The following KCNMA1 variants were observed in gnomAD, a reference collection of about 807,000 sequenced individuals.
The protein encoded by KCNMA1 is potassium calcium-activated channel subfamily M alpha 1.
KCNMA1 carries 29 observed loss-of-function variants against 140.0 expected under a neutral mutation model. The observed-to-expected ratio is 0.21, with a 90% CI of 0.15 to 0.28. The LOEUF is 0.28. Ranked by LOEUF, KCNMA1 falls within the 10% of genes least tolerant of loss-of-function variation. The probability of loss-of-function intolerance (pLI) is 1.00; values close to 1 mark genes in which losing one functional copy is unlikely to be tolerated. For missense variants in KCNMA1, 880 were observed against 1,602.2 expected, an observed-to-expected ratio of 0.55 and a Z score of 7.70; for synonymous variants, 612 against 611.9, an observed-to-expected ratio of 1.00 and a Z score of 0.00.
At chr10:77,101,457 T>A (rs1350162970) in intron 9 of KCNMA1, among the ~76,000 whole-genome samples, 1 of 152,252 alleles carries the variant, frequency 6.6e-6, no homozygotes, top group Non-Finnish European at 1.5e-5. Context: ...CTACAGTTCT[T>A]CATATCTTTA....
intron 20 of KCNMA1, among the ~76,000 whole-genome samples, chr10:76,961,490 C>A (rs2071410447): frequency 6.6e-6 from 1 of 152,144 alleles, no homozygotes. Context: ...TAGAATAGTA[C>A]ATAAACTTAG....
At chr10:77,358,589 C>T (rs1603389830) in intron 2 of KCNMA1, among the ~76,000 whole-genome samples, 1 of 152,144 alleles carries the variant, frequency 6.6e-6, no homozygotes, top group Non-Finnish European at 1.5e-5. Context: ...CCTCTAACGC[C>T]TGTCCCAGAC....
chr10:77,069,522 G>A (rs993593961), intron 14 of KCNMA1, among the ~76,000 whole-genome samples: 1 of 151,998 alleles, frequency 6.6e-6, no homozygotes, highest in South Asian at 2.1e-4. Flanking sequence ...GTAAATTAAG[G>A]ACAAATAGCC....
chr10:77,333,140 G>A (rs2087172995), intron 2 of KCNMA1, among the ~76,000 whole-genome samples: 1 of 152,066 alleles, frequency 6.6e-6, no homozygotes, highest in African/African-American at 2.4e-5. Context: ...AAATAGCAAT[G>A]GTATAGATGG....
chr10:77,243,068 C>T (rs1018461944), intron 3 of KCNMA1, among the ~76,000 whole-genome samples: 1 of 152,088 alleles, frequency 6.6e-6, no homozygotes, highest in African/African-American at 2.4e-5. Flanking sequence ...CATCACCAAC[C>T]AGGGTCTCCC....
intron 9 of KCNMA1, among the ~76,000 whole-genome samples, chr10:77,101,932 A>G (rs1352342860): frequency 1.3e-5 from 2 of 152,210 alleles, no homozygotes; most frequent in African/African-American, 4.8e-5. Context: ...GAAAGAGTCG[A>G]GAGGGAAATG....
chr10:77,050,439 A>G (rs2095319626), intron 14 of KCNMA1, among the ~76,000 whole-genome samples: 1 of 152,212 alleles, frequency 6.6e-6, no homozygotes, highest in Non-Finnish European at 1.5e-5. Context: ...TATTTTAGAC[A>G]GTTTGGTGAG....
In KCNMA1 at chr10:77,184,852, C is replaced by T. The variant is rs779829350; in HGVS notation, c.667G>A (p.Val223Met). Residue 223 changes from valine to methionine, a missense_variant, in exon 4 of 28, where the codon GTG becomes ATG. Val to Met is a conservative substitution (Grantham distance 21). Coordinates refer to ENST00000286628, the MANE Select transcript of KCNMA1 (RefSeq NM_001161352.2). ...AAGCCGAAGTAGAGAAGGAAGAACA[C>T]GTTGAAAGCCATGTCGATCTGTAAT... is the stretch of plus-strand genomic sequence containing the variant. ...FTLQIDMAFN[V>M]FFLLYFGLRF... is the part of the protein sequence containing the mutation. The T allele has an allele frequency of 6.8e-6, 11 of 1,611,924 alleles. No homozygotes were observed. Among genetic ancestry groups the T allele is most frequent in the Admixed American group, 1.7e-5 (1 of 59,980 alleles).
intron 10 of KCNMA1, 58 bp from the exon 11 acceptor site, chr10:77,086,651 C>T (rs1201110972): frequency 1.7e-6 from 2 of 1,197,578 alleles, no homozygotes; most frequent in Non-Finnish European, 2.5e-6. Flanking sequence ...TTTCAGCCTC[C>T]ATGGGCTCCT....
intron 2 of KCNMA1, among the ~76,000 whole-genome samples, chr10:77,283,124 C>A (rs141248292): frequency 6.6e-6 from 1 of 152,178 alleles, no homozygotes; most frequent in Non-Finnish European, 1.5e-5. Context: ...GACTAGTCTG[C>A]GGCAACAGAT....
chr10:77,147,429 C>G (rs925701879), intron 5 of KCNMA1, among the ~76,000 whole-genome samples: 3 of 152,044 alleles, frequency 2.0e-5, no homozygotes, highest in African/African-American at 7.2e-5. Context: ...CAGCCTCCCT[C>G]CCTCCTTCCC....
At chr10:77,437,894 G>A (rs1196992519) in intron 1 of KCNMA1, among the ~76,000 whole-genome samples, 1 of 152,174 alleles carries the variant, frequency 6.6e-6, no homozygotes, top group African/African-American at 2.4e-5. Flanking sequence ...AAAGAGTTAG[G>A]CTGGGATCAC....
At chr10:77,174,823 A>G (rs1445192949) in intron 5 of KCNMA1, among the ~76,000 whole-genome samples, 5 of 152,190 alleles carry the variant, frequency 3.3e-5, no homozygotes. Context: ...AAGTTTAGAA[A>G]GTTAGGAGAT....
chr10:77,291,041 A>G (rs1358386706), intron 2 of KCNMA1, among the ~76,000 whole-genome samples: 1 of 152,194 alleles, frequency 6.6e-6, no homozygotes, highest in Non-Finnish European at 1.5e-5. Flanking sequence ...ACAGAAACCC[A>G]GGAAAGTTAG....
chr10:77,251,566 T>C (rs953464887), intron 2 of KCNMA1, among the ~76,000 whole-genome samples: 1 of 152,082 alleles, frequency 6.6e-6, no homozygotes. Flanking sequence ...TAAACTTCAG[T>C]GGGAAAAAAG....
intron 2 of KCNMA1, among the ~76,000 whole-genome samples, chr10:77,311,605 A>G (rs1194604759): frequency 6.6e-6 from 1 of 152,174 alleles, no homozygotes; most frequent in East Asian, 1.9e-4. Flanking sequence ...TAAATAAATA[A>G]AAAAGATCAA....
At chr10:77,215,051 A>G (rs1324904109) in intron 3 of KCNMA1, among the ~76,000 whole-genome samples, 1 of 152,144 alleles carries the variant, frequency 6.6e-6, no homozygotes, top group Non-Finnish European at 1.5e-5. Flanking sequence ...CAGGTGTCAC[A>G]GACTTCTTAA....
At chr10:77,122,840 T>C (rs1309562932) in intron 5 of KCNMA1, among the ~76,000 whole-genome samples, 1 of 152,180 alleles carries the variant, frequency 6.6e-6, no homozygotes, top group Non-Finnish European at 1.5e-5. Context: ...CCACCAGTGT[T>C]GATGGGGTTA....
At chr10:76,905,275 G>A (rs1203956457) in intron 25 of KCNMA1, 2 of 152,180 alleles carry the variant, frequency 1.3e-5, no homozygotes, top group African/African-American at 2.4e-5. Flanking sequence ...GAGTGCATGA[G>A]GATGGGGTGT....
Sources: allele counts gnomAD v4.1 joint callset (sites outside exome capture counted in the v4.1 genomes callset), GRCh38; gene constraint gnomAD v4.1.1; transcripts MANE v1.5; gene names NCBI Gene and HGNC (gene_info 2026-07-23, HGNC 2026-07-21).